SGSM2: variants seen among roughly 807,000 people sequenced by gnomAD.
SGSM2 encodes small G protein signaling modulator 2.
SGSM2 carries 89 observed loss-of-function variants against 126.6 expected under a neutral mutation model. The observed-to-expected ratio is 0.70, with a 90% CI of 0.59 to 0.84. The LOEUF is 0.84. SGSM2 is among the 40% of genes least tolerant of loss of function. The pLI is 0.00. For synonymous variants in SGSM2, 614 were observed against 574.3 expected (o/e 1.07, Z -0.99); for missense variants, 1,404 against 1,416.6 (o/e 0.99, Z 0.14).
chr17:2,343,103 C>T (rs540013640), intron 1 of SGSM2, among the ~76,000 whole-genome samples: 1 of 152,218 alleles, frequency 6.6e-6, no homozygotes, highest in East Asian at 1.9e-4. Context: ...TAGAGGGTGT[C>T]CCTGAGGTAT....
intron 11 of SGSM2, among the ~76,000 whole-genome samples, chr17:2,366,204 C>T (rs1255226433): frequency 6.6e-6 from 1 of 152,130 alleles, no homozygotes; most frequent in Non-Finnish European, 1.5e-5. Flanking sequence ...AGAAAGGCGG[C>T]TTGGCCCTTG....
rs1246353827 is a variant in SGSM2, at chr17:2,354,939, T to TG, written c.134-6694dup. Among the ~76,000 whole-genome samples, 152 of 104,728 alleles carry TG rather than the reference T, an allele frequency of 1.5e-3. 1 individual carries two copies. The highest frequency in any genetic ancestry group is 2.7e-3 in the African/African-American group (55 of 20,048). The allele number at this position is 104,728 out of a possible 152,430, so 68.7% of individuals were successfully genotyped here. On this transcript the variant is annotated intron_variant, in intron 2 of 23. Transcript: ENST00000268989. ...AATGGTGGAATCGGGGTGTAAGCGT[T>TG]GGGGAAGGGACCCCATATCTTAGAA...
Position 2,363,131 on chromosome 17 carries a change from G to A in SGSM2, c.669G>A (p.Leu223=). 6.3e-7 allele frequency: 1 copy of A among 1,597,984 alleles called. No homozygotes were observed. The highest frequency in any genetic ancestry group is 8.5e-7 in the Non-Finnish European group (1 of 1,173,900). The part of the protein sequence containing the change: ...RQDSPAKRPA[L]GIRKRHSSGS... ...ACTCCCCTGCAAAGCGCCCAGCCCT[G>A]GGGGTAGGTGCCCCCTCCCCACCCT... The change falls in exon 6 of 24, where the codon CTG becomes CTA. Residue 223 remains leucine (L), a synonymous_variant. Transcript: ENST00000268989. This position sits in a 1 kb window ranked among gnomAD's most constrained non-coding sequence, Gnocchi z 4.2.
intron 2 of SGSM2, among the ~76,000 whole-genome samples, chr17:2,351,008 T>C (rs2064822565): frequency 6.6e-6 from 1 of 152,002 alleles, no homozygotes; most frequent in Non-Finnish European, 1.5e-5. Flanking sequence ...ATCCCAGCAC[T>C]TTGGGAGGCT....
intron 12 of SGSM2, among the ~76,000 whole-genome samples, chr17:2,370,825 C>T (rs998380341): frequency 2.0e-5 from 3 of 152,226 alleles, no homozygotes; most frequent in African/African-American, 7.2e-5. Flanking sequence ...GGAAGTATTC[C>T]AAAGACCTCC....
intron 2 of SGSM2, among the ~76,000 whole-genome samples, chr17:2,361,317 C>T (rs2065299542): frequency 6.6e-6 from 1 of 152,230 alleles, no homozygotes; most frequent in Non-Finnish European, 1.5e-5. Context: ...GGTGCTGTGC[C>T]TTGCTGTCAG....
intron 12 of SGSM2, among the ~76,000 whole-genome samples, chr17:2,368,983 C>G (rs7210402): frequency 0.28 from 41,894 of 152,114 alleles, 6,037 homozygotes; most frequent in Admixed American, 0.36. Context: ...ATCAGAGAAA[C>G]TTCCAGACCC....
intron 2 of SGSM2, among the ~76,000 whole-genome samples, chr17:2,347,604 G>T (rs190045791): frequency 9.7e-4 from 146 of 149,858 alleles, no homozygotes; most frequent in Non-Finnish European, 2.0e-3. Flanking sequence ...GGTATCTCCT[G>T]TCGCCCCCTC....
Position 2,379,091 on chromosome 17 carries a change from C to T in SGSM2, c.2955C>T (p.His985=). The T allele has an allele frequency of 6.2e-7, 1 of 1,614,232 alleles. No individual in the cohort carries two copies. Among genetic ancestry groups the T allele is most frequent in the Non-Finnish European group, 8.5e-7 (1 of 1,180,030 alleles). ...GGGAGGTGATCTGGGCAGCCAGGCA[C>T]ATCTCATCGGAGCACTTTGTCCTGT... ...AVWEVIWAAR[H]ISSEHFVLFI... Residue 985 remains histidine (H), a synonymous_variant, in exon 23 of 24, where the codon CAC becomes CAT. Coordinates refer to ENST00000268989, the MANE Select transcript of SGSM2 (RefSeq NM_014853.3).
At chr17:2,365,408 T>C in intron 11 of SGSM2, 67 bp downstream of exon 11, 1 of 1,470,408 alleles carries the variant, frequency 6.8e-7, no homozygotes, top group Non-Finnish European at 9.1e-7. Flanking sequence ...GAGCGCAGCG[T>C]CACCCAGGAG....
At chr17:2,378,200 G>A (rs1208952097) in intron 22 of SGSM2, among the ~76,000 whole-genome samples, 2 of 152,226 alleles carry the variant, frequency 1.3e-5, no homozygotes, top group African/African-American at 4.8e-5. Flanking sequence ...GGGAAGTCAA[G>A]GTGAGAGGAT....
At chr17:2,351,837 A>G (rs1192698029) in intron 2 of SGSM2, among the ~76,000 whole-genome samples, 1 of 152,168 alleles carries the variant, frequency 6.6e-6, no homozygotes, top group East Asian at 1.9e-4. Context: ...CCTCCCAATC[A>G]GAGTCCAGTT....
chr17:2,362,209 C>T lies in SGSM2; in HGVS notation c.397C>T (p.Arg133Cys), dbSNP rs745743071. The T allele has an allele frequency of 9.9e-6, 16 of 1,613,500 alleles. No homozygotes were observed. The highest frequency in any genetic ancestry group is 5.0e-5 in the Admixed American group (3 of 59,956). ...TCAGGCCTTGAAACACGTATGGGTACGCACGGCGCTCATCGAGAAAGTTCT... is the reference window on the plus strand; with the variant it reads ...TCAGGCCTTGAAACACGTATGGGTATGCACGGCGCTCATCGAGAAAGTTCT... ...SPQALKHVWV[R>C]TALIEKVLDK... Residue 133 changes from arginine (R) to cysteine (C), a missense_variant, in exon 4 of 24, where the codon CGC becomes TGC. Arg to Cys is a radical substitution (Grantham distance 180). Coordinates refer to ENST00000268989, the MANE Select transcript of SGSM2 (RefSeq NM_014853.3). This position sits in a 1 kb window ranked among gnomAD's most constrained non-coding sequence, Gnocchi z 4.9.
intron 12 of SGSM2, among the ~76,000 whole-genome samples, chr17:2,368,099 C>T (rs1388948369): frequency 6.6e-6 from 1 of 152,246 alleles, no homozygotes; most frequent in East Asian, 1.9e-4. Flanking sequence ...TATCCCGGAG[C>T]TCCGTCTCTT....
At chr17:2,370,248 C>A (rs1001497995) in intron 12 of SGSM2, among the ~76,000 whole-genome samples, 1 of 152,236 alleles carries the variant, frequency 6.6e-6, no homozygotes, top group Admixed American at 6.5e-5. Context: ...CCCGGCATCA[C>A]CCCCCAGTGC....
intron 8 of SGSM2, 73 bp from the exon 9 acceptor site, chr17:2,364,523 G>A: frequency 6.5e-7 from 1 of 1,531,146 alleles, no homozygotes; most frequent in Non-Finnish European, 9.0e-7. Context: ...GGGGTGGTAG[G>A]ACCAGGAGAC....
chr17:2,349,100 G>A (rs1325887000), intron 2 of SGSM2, among the ~76,000 whole-genome samples: 1 of 151,730 alleles, frequency 6.6e-6, no homozygotes, highest in African/African-American at 2.4e-5. Context: ...CATAGGCCGG[G>A]CACAGTGGCT....
intron 2 of SGSM2, among the ~76,000 whole-genome samples, chr17:2,350,941 T>C (rs1024503872): frequency 6.6e-6 from 1 of 152,138 alleles, no homozygotes; most frequent in Non-Finnish European, 1.5e-5. Context: ...TTGACCAAAG[T>C]CAAACAGCCA....
At chr17:2,376,630 G>C in intron 19 of SGSM2, 103 bp from the exon 20 acceptor site, 1 of 1,272,270 alleles carries the variant, frequency 7.9e-7, no homozygotes, top group Non-Finnish European at 1.1e-6. Flanking sequence ...TCGTGGAAAG[G>C]CTGACTTCTG....
Sources: allele counts gnomAD v4.1 joint callset (sites outside exome capture counted in the v4.1 genomes callset), GRCh38; gene constraint gnomAD v4.1.1; non-coding constraint Gnocchi (gnomAD v3.1); transcripts MANE v1.5; gene names NCBI Gene and HGNC (gene_info 2026-07-23, HGNC 2026-07-21).